Variants in ANK3 observed in about 807,000 individuals in gnomAD.
The protein encoded by ANK3 is ankyrin-3.
Under a neutral mutation model 370.9 loss-of-function variants are expected in ANK3, and 57 were observed. The ratio of observed to expected loss-of-function variants is 0.15; its 90% CI spans 0.12 to 0.19. The LOEUF (loss-of-function observed/expected upper bound fraction) is 0.19, where lower values mean the gene tolerates loss of function less well. ANK3 is among the 10% of genes least tolerant of loss of function. The pLI, the probability that ANK3 is intolerant of heterozygous loss-of-function variation, is 1.00. For synonymous variants in ANK3, 1,929 were observed against 1,946.3 expected (o/e 0.99, Z 0.23); for missense variants, 4,439 against 5,302.1 (o/e 0.84, Z 5.06).
intron 1 of ANK3, among the ~76,000 whole-genome samples, chr10:60,729,328 T>G (rs2079988056): frequency 6.6e-6 from 1 of 152,188 alleles, no homozygotes; most frequent in Admixed American, 6.5e-5. Flanking sequence ...ATCCTCAGCA[T>G]GAAGCCTTGA....
At chr10:60,600,195 G>A (rs1423351665) in intron 2 of ANK3, among the ~76,000 whole-genome samples, 1 of 152,110 alleles carries the variant, frequency 6.6e-6, no homozygotes. Context: ...GAAGAATTTA[G>A]GATTCTGTAC....
intron 28 of ANK3, among the ~76,000 whole-genome samples, chr10:60,097,948 A>T (rs922270952): frequency 2.0e-5 from 3 of 152,216 alleles, no homozygotes; most frequent in African/African-American, 7.2e-5. Context: ...GAGGTGAAAA[A>T]GTAAAGGATT....
chr10:60,322,106 A>G lies in ANK3; in HGVS notation c.115-42467T>C, dbSNP rs551903329. Among the ~76,000 whole-genome samples, 3 of 152,258 alleles carry G rather than the reference A, an allele frequency of 2.0e-5. No individual in the cohort carries two copies. In the East Asian group the frequency reaches 5.8e-4, roughly 29 times the overall value. ...GTATAAATATTTTTATAATAAAGACATTTGGTATAAGCTTGATGGGTTCTT... is the reference window on the plus strand; with the variant it reads ...GTATAAATATTTTTATAATAAAGACGTTTGGTATAAGCTTGATGGGTTCTT... On this transcript the variant is annotated intron_variant, in intron 1 of 43. Transcript: ENST00000280772.
Position 60,670,588 on chromosome 10 carries a change from C to T in ANK3, c.58-55364G>A, listed in dbSNP as rs76574003. On this transcript the variant is annotated intron_variant, in intron 1 of 43. Transcript: ENST00000373827. Reference sequence around the variant, plus strand: ...CCATAAGCCGTTTTCCACCAAGAGCCGGAATATCCCTTTTATAAAGCACCA... The same window carrying T: ...CCATAAGCCGTTTTCCACCAAGAGCTGGAATATCCCTTTTATAAAGCACCA... 4.6e-3 allele frequency among the ~76,000 whole-genome samples: 693 copies of T among 152,226 alleles called. 15 individuals carry two copies. Among genetic ancestry groups the T allele is most frequent in the Admixed American group, 0.035 (528 of 15,292 alleles).
At chr10:60,688,943 G>A (rs1445580858) in intron 1 of ANK3, among the ~76,000 whole-genome samples, 2 of 138,438 alleles carry the variant, frequency 1.4e-5, no homozygotes, top group Non-Finnish European at 3.1e-5. Flanking sequence ...GTGAGACTCC[G>A]TTTCAAAAAA....
At position 60,028,826 on chromosome 10, in the gene ANK3, C is replaced by T. The variant is rs1588956754; in HGVS notation, c.*1020G>A. 6.6e-6 allele frequency: 1 copy of T among 152,050 alleles called. No individual in the cohort carries two copies. Among genetic ancestry groups the T allele is most frequent in the African/African-American group, 2.4e-5 (1 of 41,218 alleles). The allele number at this position is 152,050 out of a possible 1,614,324, so 9.4% of individuals were successfully genotyped here. ...TTTTAAGCACTAACAGATAGCATCC[C>T]CCCACCCCCTAAAGCAACTACCGTA... On this transcript the variant is annotated 3_prime_UTR_variant, in exon 44 of 44. Coordinates refer to ENST00000280772, the MANE Select transcript of ANK3 (RefSeq NM_020987.5).
Position 60,400,995 on chromosome 10 carries a change from G to A in ANK3, c.97-121356C>T, listed in dbSNP as rs531576781. ...ATTTTGAAAACTGTGGCTGTGTAGA[G>A]CTTTTCTGTAAAAGCCATTTTTATT... On this transcript the variant is annotated intron_variant, in intron 2 of 43. Coordinates refer to the ANK3 transcript ENST00000373827. 2.0e-5 allele frequency among the ~76,000 whole-genome samples: 3 copies of A among 150,162 alleles called. No individual in the cohort carries two copies. The South Asian group carries it at 6.3e-4, about 32-fold the overall frequency.
chr10:60,713,641 G>C (rs2079741200), intron 1 of ANK3, among the ~76,000 whole-genome samples: 1 of 152,136 alleles, frequency 6.6e-6, no homozygotes, highest in South Asian at 2.1e-4. Context: ...TGTAATCCCA[G>C]TACTTTGGGA....
In ANK3 at chr10:60,074,595, A is replaced by T; in HGVS notation, c.6286T>A (p.Cys2096Ser). 6.2e-7 allele frequency: 1 copy of T among 1,614,174 alleles called. No individual in the cohort carries two copies. ...CCAAAAAAGGAATCAGCCATTTTAC[A>T]CAATTCTTTCTCAGAGGTGGAAGTC... ...MRTSTSEKEL[C>S]KMADSFFGTD... The change falls in exon 37 of 44, where the codon TGT (cysteine) becomes AGT (serine). Residue 2096 changes from cysteine to serine, a missense_variant. Physicochemically the swap from Cys to Ser is moderately radical, Grantham distance 112. Coordinates refer to ENST00000280772, the MANE Select transcript of ANK3 (RefSeq NM_020987.5).
At chr10:60,485,336 T>C (rs1409792234) in intron 2 of ANK3, among the ~76,000 whole-genome samples, 1 of 152,188 alleles carries the variant, frequency 6.6e-6, no homozygotes, top group South Asian at 2.1e-4. Flanking sequence ...CAAGTCCTAC[T>C]GATGGAACAG....
intron 2 of ANK3, among the ~76,000 whole-genome samples, chr10:60,416,561 C>T (rs932807889): frequency 6.6e-6 from 1 of 152,064 alleles, no homozygotes; most frequent in Non-Finnish European, 1.5e-5. Flanking sequence ...GGGGAGGAGA[C>T]TAACTGAGAA....
chr10:60,675,597 T>C (rs931277506), intron 1 of ANK3, among the ~76,000 whole-genome samples: 1 of 152,326 alleles, frequency 6.6e-6, no homozygotes, highest in East Asian at 1.9e-4. Flanking sequence ...AAAGTAGTCC[T>C]GTAGAAATAA....
chr10:60,081,727 CA>C (rs2085308592), intron 35 of ANK3: 1 of 285,806 alleles, frequency 3.5e-6, no homozygotes, highest in Non-Finnish European at 6.9e-6. Context: ...GAAACTTTCA[CA>C]AAATGTCTAT....
At chr10:60,528,562 C>T (rs557365932) in intron 2 of ANK3, among the ~76,000 whole-genome samples, 13 of 152,272 alleles carry the variant, frequency 8.5e-5, no homozygotes, top group Non-Finnish European at 1.5e-4. Flanking sequence ...CAGTTTTATA[C>T]GGCTCAGCCT....
chr10:60,406,657 A>T (rs1261710648), intron 2 of ANK3, among the ~76,000 whole-genome samples: 1 of 152,192 alleles, frequency 6.6e-6, no homozygotes, highest in Non-Finnish European at 1.5e-5. Context: ...CCGGGGGCTG[A>T]GGGCTCCTGC....
intron 2 of ANK3, among the ~76,000 whole-genome samples, chr10:60,540,771 A>G (rs1175957789): frequency 6.6e-6 from 1 of 151,842 alleles, no homozygotes; most frequent in African/African-American, 2.4e-5. Flanking sequence ...CAACATAGCC[A>G]TTGGGTTTAG....
At chr10:60,068,500 C>G in intron 37 of ANK3, 137 bp downstream of exon 37, 1 of 917,676 alleles carries the variant, frequency 1.1e-6, no homozygotes, top group Non-Finnish European at 1.6e-6. Context: ...TAATGAGAAA[C>G]TACGGTTAAG....
At chr10:60,223,609 G>A (rs898764468) in intron 8 of ANK3, among the ~76,000 whole-genome samples, 2 of 151,982 alleles carry the variant, frequency 1.3e-5, no homozygotes, top group African/African-American at 4.8e-5. Flanking sequence ...TTTCAGGCTA[G>A]TGAAAAAAAA....
At position 60,213,524 on chromosome 10, in the gene ANK3, GA is replaced by G; in HGVS notation, c.898-15del. The G allele has an allele frequency of 6.5e-7, 1 of 1,541,830 alleles. No individual in the cohort carries two copies. Among genetic ancestry groups the G allele is most frequent in the Non-Finnish European group, 8.9e-7 (1 of 1,126,660 alleles). ...TGTCAGACCATCCTGTTGAACAAAG[GA>G]AACATCACCAATTAAATTTGACAAT... On this transcript the variant is annotated splice_polypyrimidine_tract_variant and intron_variant, in intron 8 of 43. Coordinates refer to ENST00000280772, the MANE Select transcript of ANK3 (RefSeq NM_020987.5).
Sources: allele counts gnomAD v4.1 joint callset (sites outside exome capture counted in the v4.1 genomes callset), GRCh38; gene constraint gnomAD v4.1.1; transcripts MANE v1.5; gene names NCBI Gene and HGNC (gene_info 2026-07-23, HGNC 2026-07-21).